Variants in TUBD1 observed in about 807,000 individuals in gnomAD.
TUBD1 encodes tubulin delta chain.
In TUBD1, 38 loss-of-function variants were observed where a neutral mutation model predicts 51.2. The observed-to-expected ratio is 0.74, with a 90% CI of 0.57 to 0.97. TUBD1 has a LOEUF of 0.97. Among genes scored for constraint, TUBD1 ranks in the 50% least tolerant of loss-of-function variants. The pLI is 0.00. For synonymous variants in TUBD1, 169 were observed against 178.2 expected (o/e 0.95, Z 0.41); for missense variants, 489 against 538.4 (o/e 0.91, Z 0.91).
rs1012645334 is a variant in TUBD1, at chr17:59,866,830, C to G, written c.935-81G>C. On this transcript the variant is annotated intron_variant, in intron 6 of 8. Coordinates refer to ENST00000325752, the MANE Select transcript of TUBD1 (RefSeq NM_016261.4). ...ATGGAGTCTCACTCTGTTGCCCAGGCTGGAGTGCAGTGGCATGATCTTGGC... is the reference window on the plus strand; with the variant it reads ...ATGGAGTCTCACTCTGTTGCCCAGGGTGGAGTGCAGTGGCATGATCTTGGC... The G allele has an allele frequency of 4.0e-6, 5 of 1,251,430 alleles. No homozygotes were observed. The African/African-American group carries it at 7.6e-5, about 19-fold the overall frequency. 77.5% of individuals were successfully genotyped at this position (1,251,430 alleles called of 1,614,324 possible).
intron 3 of TUBD1, among the ~76,000 whole-genome samples, chr17:59,882,847 T>C (rs1353362542): frequency 6.6e-6 from 1 of 151,952 alleles, no homozygotes; most frequent in Non-Finnish European, 1.5e-5. Flanking sequence ...TGCTGTGGCA[T>C]GATCTCTACT....
chr17:59,880,818 A>T, intron 4 of TUBD1, 76 bp downstream of exon 4: 1 of 1,407,986 alleles, frequency 7.1e-7, no homozygotes, highest in Non-Finnish European at 9.9e-7. Flanking sequence ...CTGGGTGGTG[A>T]GAGCAATCTT....
chr17:59,860,727 C>A (rs2039404520), intron 8 of TUBD1, among the ~76,000 whole-genome samples: 1 of 151,896 alleles, frequency 6.6e-6, no homozygotes, highest in Non-Finnish European at 1.5e-5. Context: ...GCTGGGATTA[C>A]AGGAACGTGC....
intron 6 of TUBD1, among the ~76,000 whole-genome samples, chr17:59,869,541 A>G (rs557161599): frequency 7.9e-5 from 12 of 152,196 alleles, no homozygotes; most frequent in African/African-American, 2.6e-4. Context: ...ATGGGAACTC[A>G]GCAAACTGTG....
intron 7 of TUBD1, among the ~76,000 whole-genome samples, chr17:59,866,110 C>CAAAA (rs1191579900): frequency 2.6e-5 from 2 of 76,212 alleles, no homozygotes; most frequent in Admixed American, 1.5e-4. Flanking sequence ...GACCCCGTCT[C>CAAAA]AAAAAAAAAA....
At chr17:59,875,204 G>A (rs978850231) in intron 5 of TUBD1, among the ~76,000 whole-genome samples, 2 of 149,128 alleles carry the variant, frequency 1.3e-5, no homozygotes, top group African/African-American at 4.9e-5. Flanking sequence ...AGCCTCCTGA[G>A]TAGCTGAGAC....
Position 59,878,153 on chromosome 17 carries a change from T to A in TUBD1, c.719A>T (p.Gln240Leu). 1 of 1,614,162 alleles carries A rather than the reference T, an allele frequency of 6.2e-7. No individual in the cohort carries two copies. The highest frequency in any genetic ancestry group is 8.5e-7 in the Non-Finnish European group (1 of 1,180,030). ...TGAGCTTTCTGCAGAATAAGTAGGC[T>A]GGAACACACTTCCCAGCTGATGTGC... is the stretch of plus-strand genomic sequence containing the variant. ...VLAHQLGSVF[Q>L]PTYSAESSFH... Residue 240 changes from glutamine (Q) to leucine (L), a missense_variant, in exon 5 of 9, where the codon CAG (glutamine) becomes CTG (leucine). By Grantham distance (113) the Gln-to-Leu change is moderately radical. Coordinates refer to ENST00000325752, the MANE Select transcript of TUBD1 (RefSeq NM_016261.4).
At chr17:59,861,316 A>AGG (rs1003414436) in intron 8 of TUBD1, among the ~76,000 whole-genome samples, 22 of 151,410 alleles carry the variant, frequency 1.5e-4, no homozygotes, top group African/African-American at 4.9e-4. Flanking sequence ...CTTGTGCCTC[A>AGG]GCCTCCCAAG....
chr17:59,870,178 T>G (rs1012818898), intron 6 of TUBD1, among the ~76,000 whole-genome samples: 3 of 151,820 alleles, frequency 2.0e-5, no homozygotes, highest in Admixed American at 2.0e-4. Flanking sequence ...CTGGCCAACA[T>G]GATACAACCC....
chr17:59,876,785 C>T (rs1023015515), intron 5 of TUBD1, among the ~76,000 whole-genome samples: 2 of 152,102 alleles, frequency 1.3e-5, no homozygotes, highest in African/African-American at 2.4e-5. Flanking sequence ...AGCCATGGTG[C>T]CCGGCCAATG....
chr17:59,877,777 C>CAAAA (rs11288183), intron 5 of TUBD1, among the ~76,000 whole-genome samples: 1 of 128,950 alleles, frequency 7.8e-6, no homozygotes, highest in Non-Finnish European at 1.7e-5. Flanking sequence ...GACTCTGTCT[C>CAAAA]AAAAAAAAAA....
intron 6 of TUBD1, among the ~76,000 whole-genome samples, chr17:59,869,110 A>C (rs941617841): frequency 1.3e-5 from 2 of 151,946 alleles, no homozygotes; most frequent in Non-Finnish European, 2.9e-5. Flanking sequence ...CCATATATAT[A>C]TATTTATTCA....
intron 3 of TUBD1, chr17:59,885,007 A>G: frequency 3.5e-6 from 1 of 283,140 alleles, no homozygotes. Context: ...GGAAATGTGA[A>G]GGTGAAGATG....
Position 59,860,431 on chromosome 17 carries a change from G to GGA in TUBD1, c.1260-8_1260-7insTC. On this transcript the variant is annotated splice_region_variant and splice_polypyrimidine_tract_variant and intron_variant, in intron 8 of 8. Transcript: ENST00000325752. The stretch of plus-strand genomic sequence containing the variant: ...GTACTGATGAATGTAGGCTCTGGTA[G>GGA]AAAAAAAAAAAAAACAGAAATTACA... 5 of 1,155,906 alleles carry GGA rather than the reference G, an allele frequency of 4.3e-6. No individual in the cohort carries two copies. Among genetic ancestry groups the GGA allele is most frequent in the Non-Finnish European group, 6.1e-6 (5 of 825,308 alleles). 71.6% of individuals were successfully genotyped at this position (1,155,906 alleles called of 1,614,324 possible). A position where few individuals can be genotyped will look rare whatever the true frequency, so the allele number is the denominator to read the frequency against.
chr17:59,872,916 C>G (rs748655357), intron 6 of TUBD1, among the ~76,000 whole-genome samples: 4 of 151,970 alleles, frequency 2.6e-5, no homozygotes, highest in Admixed American at 1.3e-4. Context: ...ACTGCCACCA[C>G]GCCCGGCTAA....
intron 8 of TUBD1, among the ~76,000 whole-genome samples, chr17:59,862,387 C>CTCA (rs2039493630): frequency 6.6e-6 from 1 of 151,676 alleles, no homozygotes; most frequent in Non-Finnish European, 1.5e-5. Context: ...TTTGCTTTGA[C>CTCA]TTAAGTAACT....
intron 3 of TUBD1, among the ~76,000 whole-genome samples, chr17:59,881,757 C>G (rs981931124): frequency 3.9e-5 from 6 of 152,064 alleles, no homozygotes; most frequent in Admixed American, 6.6e-5. Flanking sequence ...GCTCACTCCC[C>G]CTCCCGGGTT....
At chr17:59,885,541 C>A in intron 3 of TUBD1, 1 of 1,500,098 alleles carries the variant, frequency 6.7e-7, no homozygotes, top group South Asian at 1.1e-5. Flanking sequence ...GTCGGTGGTT[C>A]ACTACTAGAT....
In TUBD1 at chr17:59,890,886, A is replaced by G. The variant is rs1399179336; in HGVS notation, c.117T>C (p.Asn39=). The G allele has an allele frequency of 6.2e-7, 1 of 1,613,750 alleles. No homozygotes were observed. Among genetic ancestry groups the G allele is most frequent in the East Asian group, 2.2e-5 (1 of 44,876 alleles). The change falls in exon 2 of 9, where the codon AAT becomes AAC. Residue 39 remains asparagine (N), a synonymous_variant. Transcript: ENST00000325752. The part of the protein sequence containing the change: ...SSQGLCSMRE[N]EAYQASCKER... Reference sequence around the variant, plus strand: ...CTTTGCAAGATGCTTGATATGCCTCATTCTCTCTCATAGAGCAGAGTCCCT... The same window carrying G: ...CTTTGCAAGATGCTTGATATGCCTCGTTCTCTCTCATAGAGCAGAGTCCCT...
Sources: allele counts gnomAD v4.1 joint callset (sites outside exome capture counted in the v4.1 genomes callset), GRCh38; gene constraint gnomAD v4.1.1; transcripts MANE v1.5; gene names NCBI Gene and HGNC (gene_info 2026-07-23, HGNC 2026-07-21).